The following NDST3 variants were observed in gnomAD, a reference collection of about 807,000 sequenced individuals.
NDST3 encodes bifunctional heparan sulfate N-deacetylase/N-sulfotransferase 3.
NDST3 carries 58 observed loss-of-function variants against 96.1 expected under a neutral mutation model. The observed-to-expected ratio is 0.60, with a 90% CI of 0.49 to 0.75. NDST3 has a LOEUF of 0.75. NDST3 is among the 30% of genes least tolerant of loss of function. NDST3 has a pLI of 0.00. For missense variants in NDST3, 788 were observed against 1,034.2 expected (o/e 0.76, Z 3.27); for synonymous variants, 333 against 359.7 (o/e 0.93, Z 0.84).
chr4:118,203,515 A>G (rs986256348), intron 6 of NDST3, among the ~76,000 whole-genome samples: 5 of 152,128 alleles, frequency 3.3e-5, no homozygotes, highest in African/African-American at 1.2e-4. Flanking sequence ...CAGGTTTTCA[A>G]TCTCTTCCTG....
At chr4:118,243,675 T>A (rs1442489655) in intron 12 of NDST3, among the ~76,000 whole-genome samples, 5 of 152,234 alleles carry the variant, frequency 3.3e-5, no homozygotes, top group African/African-American at 1.2e-4. Flanking sequence ...GTTTTCTATT[T>A]CAAGTTAGGT....
chr4:118,061,076 C>A (rs12505642), intron 2 of NDST3, among the ~76,000 whole-genome samples: 5 of 152,052 alleles, frequency 3.3e-5, no homozygotes, highest in South Asian at 2.1e-4. Flanking sequence ...TCATGACCCC[C>A]CTCTGCTCAA....
At chr4:118,188,456 T>G (rs184438855) in intron 6 of NDST3, among the ~76,000 whole-genome samples, 1 of 152,114 alleles carries the variant, frequency 6.6e-6, no homozygotes, top group African/African-American at 2.4e-5. Flanking sequence ...AGTCCACATT[T>G]AACATTGGAC....
At chr4:118,076,467 A>AT (rs70941152) in intron 2 of NDST3, among the ~76,000 whole-genome samples, 129,630 of 152,014 alleles carry the variant, frequency 0.85, 56,838 homozygotes, top group South Asian at 0.96. Context: ...ATAATCCCAT[A>AT]TTCTCAGAGG....
At chr4:118,133,619 G>T (rs1238881499) in intron 4 of NDST3, among the ~76,000 whole-genome samples, 1 of 152,116 alleles carries the variant, frequency 6.6e-6, no homozygotes, top group Non-Finnish European at 1.5e-5. Flanking sequence ...CCTGCAGGGG[G>T]TACAAATGGT....
Position 118,105,110 on chromosome 4 carries a change from GA to G in NDST3, c.1069+10del. 6.2e-7 allele frequency: 1 copy of G among 1,602,890 alleles called. No homozygotes were observed. The highest frequency in any genetic ancestry group is 8.5e-7 in the Non-Finnish European group (1 of 1,170,548). On this transcript the variant is annotated splice_donor_region_variant and intron_variant, in intron 3 of 13. Transcript: ENST00000296499. ...CAGGGAAATTTTACCATACAGGTAA[GA>G]AAAAGGGATTAACTGTTCTCATTAA...
intron 2 of NDST3, among the ~76,000 whole-genome samples, chr4:118,090,218 A>AT (rs1340128484): frequency 6.6e-6 from 1 of 152,006 alleles, no homozygotes; most frequent in Admixed American, 6.6e-5. Flanking sequence ...CTTGGAAGGC[A>AT]TTGAGCAGTT....
At chr4:118,038,787 TG>T (rs1400296203) in intron 1 of NDST3, among the ~76,000 whole-genome samples, 4 of 152,198 alleles carry the variant, frequency 2.6e-5, no homozygotes, top group Non-Finnish European at 2.9e-5. Flanking sequence ...TGTTAGAACC[TG>T]AAGCTCTTTA....
chr4:118,223,896 C>A (rs1016485729), intron 6 of NDST3, among the ~76,000 whole-genome samples: 45 of 152,088 alleles, frequency 3.0e-4, no homozygotes, highest in African/African-American at 1.1e-3. Context: ...CAACACTAAC[C>A]AGCAAAAATT....
intron 6 of NDST3, among the ~76,000 whole-genome samples, chr4:118,177,281 GT>G (rs1736338965): frequency 6.6e-6 from 1 of 151,914 alleles, no homozygotes; most frequent in African/African-American, 2.4e-5. Context: ...GCTTAGGAAG[GT>G]TTTTGCCATT....
chr4:118,194,415 C>T (rs1037056118), intron 6 of NDST3: 12 of 735,090 alleles, frequency 1.6e-5, no homozygotes, highest in East Asian at 5.1e-5. Context: ...CCTGCTGCAC[C>T]GAAGGCATAT....
At chr4:118,144,193 T>A (rs530243421) in intron 6 of NDST3, among the ~76,000 whole-genome samples, 4 of 152,176 alleles carry the variant, frequency 2.6e-5, no homozygotes, top group South Asian at 4.2e-4. Context: ...CTACTTTTTT[T>A]TTTTTGAGAT....
At chr4:118,087,950 G>A (rs1728562041) in intron 2 of NDST3, among the ~76,000 whole-genome samples, 1 of 152,026 alleles carries the variant, frequency 6.6e-6, no homozygotes, top group African/African-American at 2.4e-5. Context: ...TCATAACAAG[G>A]AAACTCACCA....
intron 6 of NDST3, among the ~76,000 whole-genome samples, chr4:118,211,209 T>C (rs1355781902): frequency 1.3e-5 from 2 of 152,288 alleles, no homozygotes; most frequent in East Asian, 3.9e-4. Context: ...TAAAGCTACA[T>C]GGCAACTTTC....
At chr4:118,144,552 G>A (rs565168041) in intron 6 of NDST3, among the ~76,000 whole-genome samples, 1 of 147,138 alleles carries the variant, frequency 6.8e-6, no homozygotes, top group Non-Finnish European at 1.5e-5. Context: ...TTCTGCTTGA[G>A]GCAAGTATTA....
At chr4:118,070,470 TG>T (rs1464435461) in intron 2 of NDST3, among the ~76,000 whole-genome samples, 1 of 152,096 alleles carries the variant, frequency 6.6e-6, no homozygotes, top group Admixed American at 6.6e-5. Context: ...ATTATCCATC[TG>T]TTATATAACT....
intron 6 of NDST3, among the ~76,000 whole-genome samples, chr4:118,214,003 T>A (rs2125988282): frequency 6.6e-6 from 1 of 152,246 alleles, no homozygotes; most frequent in South Asian, 2.1e-4. Context: ...CTTGATGAGC[T>A]CACAGTTTAG....
intron 2 of NDST3, among the ~76,000 whole-genome samples, chr4:118,093,710 A>T (rs1729068175): frequency 6.6e-6 from 1 of 151,878 alleles, no homozygotes; most frequent in Non-Finnish European, 1.5e-5. Context: ...TTAGACCTAT[A>T]TGTATGTAAA....
chr4:118,187,152 A>G (rs944274870), intron 6 of NDST3, among the ~76,000 whole-genome samples: 3 of 152,224 alleles, frequency 2.0e-5, no homozygotes, highest in African/African-American at 2.4e-5. Flanking sequence ...ATGAATCTCT[A>G]TAATACCCAA....
Sources: allele counts gnomAD v4.1 joint callset (sites outside exome capture counted in the v4.1 genomes callset), GRCh38; gene constraint gnomAD v4.1.1; transcripts MANE v1.5; gene names NCBI Gene and HGNC (gene_info 2026-07-23, HGNC 2026-07-21).